Variants in ADARB2 observed in about 807,000 individuals in gnomAD.
ADARB2 encodes the protein inactive double-stranded RNA-specific editase B2.
In ADARB2, 25 loss-of-function variants were observed where a neutral mutation model predicts 62.2. The observed-to-expected ratio is 0.40, with a 90% CI of 0.29 to 0.56. The LOEUF (loss-of-function observed/expected upper bound fraction) is 0.56, where lower values mean the gene tolerates loss of function less well. Ranked by LOEUF, ADARB2 falls within the 20% of genes least tolerant of loss-of-function variation. The pLI, the probability that ADARB2 is intolerant of heterozygous loss-of-function variation, is 0.43. For missense variants in ADARB2, 1,071 were observed against 1,077.4 expected, an observed-to-expected ratio of 0.99 and a Z score of 0.08; for synonymous variants, 572 against 500.8, an observed-to-expected ratio of 1.14 and a Z score of -1.90.
chr10:1,528,041 A>T (rs12219532), intron 1 of ADARB2, among the ~76,000 whole-genome samples: 8,875 of 152,304 alleles, frequency 0.058, 339 homozygotes, highest in East Asian at 0.085. Flanking sequence ...CTCCATCAAT[A>T]ACAGCCCCCA....
At chr10:1,300,400 GC>G (rs1253489691) in intron 3 of ADARB2, among the ~76,000 whole-genome samples, 1 of 151,762 alleles carries the variant, frequency 6.6e-6, no homozygotes, top group South Asian at 2.1e-4. Flanking sequence ...CCAGCTCCAC[GC>G]CCCCCACACC....
rs146152243 is a variant in ADARB2, at chr10:1,718,302, G to C, written c.100+18749C>G. ...CCCACTCTCCATGTTCCTTGCCTGTGACTTGGAGGAATCATCCAGAACGTG... is the reference window on the plus strand; with the variant it reads ...CCCACTCTCCATGTTCCTTGCCTGTCACTTGGAGGAATCATCCAGAACGTG... On this transcript the variant is annotated intron_variant, in intron 1 of 9. Transcript: ENST00000381312. 4.6e-5 allele frequency among the ~76,000 whole-genome samples: 7 copies of C among 152,298 alleles called. No homozygotes were observed. The East Asian group carries it at 1.4e-3, about 29-fold the overall frequency.
intron 1 of ADARB2, among the ~76,000 whole-genome samples, chr10:1,718,464 G>A (rs908745221): frequency 9.2e-5 from 14 of 152,292 alleles, no homozygotes; most frequent in Non-Finnish European, 1.5e-4. Flanking sequence ...GGGCTGACCC[G>A]AAATGTCACC....
intron 4 of ADARB2, among the ~76,000 whole-genome samples, chr10:1,247,944 AT>A (rs1831001944): frequency 6.6e-6 from 1 of 152,086 alleles, no homozygotes; most frequent in Admixed American, 6.5e-5. Context: ...GAGATCCTTG[AT>A]TGCTGGGATG....
chr10:1,439,341 T>C (rs377429301), intron 1 of ADARB2, among the ~76,000 whole-genome samples: 126 of 102,748 alleles, frequency 1.2e-3, no homozygotes, highest in Middle Eastern at 8.1e-3. Flanking sequence ...AGGCCCTTCA[T>C]GATGGGGCTC....
intron 1 of ADARB2, among the ~76,000 whole-genome samples, chr10:1,429,979 A>C (rs947329337): frequency 8.5e-5 from 13 of 152,200 alleles, no homozygotes; most frequent in Non-Finnish European, 1.6e-4. Context: ...TAACAGAAGA[A>C]GGCTTAGGGC....
rs1832896032 is a variant in ADARB2, at chr10:1,426,712, C to A, written c.101-47552G>T. ...CTGCTTGCCACCCTGGGCAAGAGAG[C>A]CCAGGGGCTGGCCCAGGAGAGGCGG... On this transcript the variant is annotated intron_variant, in intron 1 of 9. Coordinates refer to ENST00000381312, the MANE Select transcript of ADARB2 (RefSeq NM_018702.4). This position sits in a 1 kb window ranked among gnomAD's most constrained non-coding sequence, Gnocchi z 4.1. Among the ~76,000 whole-genome samples, 1 of 152,214 alleles carries A rather than the reference C, an allele frequency of 6.6e-6. No homozygotes were observed. The highest frequency in any genetic ancestry group is 1.5e-5 in the Non-Finnish European group (1 of 68,044).
chr10:1,338,100 C>G (rs1831991010), intron 3 of ADARB2, among the ~76,000 whole-genome samples: 1 of 152,246 alleles, frequency 6.6e-6, no homozygotes, highest in Non-Finnish European at 1.5e-5. Flanking sequence ...TTCACTGAAG[C>G]TAGTCCATGT....
At chr10:1,482,269 A>T (rs569443322) in intron 1 of ADARB2, among the ~76,000 whole-genome samples, 2 of 152,340 alleles carry the variant, frequency 1.3e-5, no homozygotes, top group East Asian at 3.9e-4. Context: ...GCTAGAATGG[A>T]TATTCAATAC....
chr10:1,585,762 C>T (rs567398726), intron 1 of ADARB2, among the ~76,000 whole-genome samples: 37 of 152,280 alleles, frequency 2.4e-4, no homozygotes, highest in South Asian at 6.2e-4. Flanking sequence ...TGTCTGGGTG[C>T]GGTGTCTCAC....
At chr10:1,349,599 A>G (rs908204870) in intron 3 of ADARB2, among the ~76,000 whole-genome samples, 1 of 151,784 alleles carries the variant, frequency 6.6e-6, no homozygotes, top group African/African-American at 2.4e-5. Context: ...TCTCTTCTCC[A>G]ACCTCCCTCA....
At chr10:1,490,874 A>G (rs1831613290) in intron 1 of ADARB2, among the ~76,000 whole-genome samples, 1 of 152,192 alleles carries the variant, frequency 6.6e-6, no homozygotes, top group Non-Finnish European at 1.5e-5. Flanking sequence ...CAGTTGTCTC[A>G]TGAACTACAT....
chr10:1,546,303 G>C (rs1446365465), intron 1 of ADARB2, among the ~76,000 whole-genome samples: 1 of 152,230 alleles, frequency 6.6e-6, no homozygotes, highest in Non-Finnish European at 1.5e-5. Flanking sequence ...CGTGCAGAGA[G>C]CAGCAGGATG....
At chr10:1,725,694 C>T (rs770366699) in intron 1 of ADARB2, among the ~76,000 whole-genome samples, 42 of 152,226 alleles carry the variant, frequency 2.8e-4, no homozygotes, top group Non-Finnish European at 5.6e-4. Context: ...CTGCCGCACT[C>T]GTATCCGAAG....
chr10:1,537,060 C>T (rs1479166339), intron 1 of ADARB2, among the ~76,000 whole-genome samples: 1 of 152,076 alleles, frequency 6.6e-6, no homozygotes, highest in African/African-American at 2.4e-5. Flanking sequence ...TGCAAGCTAC[C>T]CATCTGACAA....
At chr10:1,387,207 T>TA (rs947826536) in intron 1 of ADARB2, among the ~76,000 whole-genome samples, 5 of 151,592 alleles carry the variant, frequency 3.3e-5, no homozygotes, top group East Asian at 3.9e-4. Flanking sequence ...TGTCAGAAGC[T>TA]AAAAAAAGAG....
At chr10:1,186,520 C>A (rs779612676) in intron 8 of ADARB2, 2 of 518,964 alleles carry the variant, frequency 3.9e-6, no homozygotes, top group African/African-American at 3.8e-5. Flanking sequence ...GTTCCCCAAG[C>A]CCAGCTGGCC....
chr10:1,433,275 CCA>C (rs1290901784), intron 1 of ADARB2, among the ~76,000 whole-genome samples: 5 of 152,190 alleles, frequency 3.3e-5, no homozygotes. Context: ...TCGTGTGTGC[CCA>C]GGACATCTTG....
chr10:1,374,624 C>T (rs145640514), intron 2 of ADARB2, among the ~76,000 whole-genome samples: 239 of 152,300 alleles, frequency 1.6e-3, no homozygotes, highest in African/African-American at 5.5e-3. Context: ...CTCTGCCCGC[C>T]GTATGCAGCG....
Sources: allele counts gnomAD v4.1 joint callset (sites outside exome capture counted in the v4.1 genomes callset), GRCh38; gene constraint gnomAD v4.1.1; non-coding constraint Gnocchi (gnomAD v3.1); transcripts MANE v1.5; gene names NCBI Gene and HGNC (gene_info 2026-07-23, HGNC 2026-07-21).